WAPL: variants seen among roughly 807,000 people sequenced by gnomAD.
The protein encoded by WAPL is wings apart-like protein homolog.
In WAPL, 5 loss-of-function variants were observed where a neutral mutation model predicts 121.0. The observed-to-expected ratio is 0.04, with a 90% CI of 0.02 to 0.09. The LOEUF is 0.09. Among genes scored for constraint, WAPL ranks in the 10% least tolerant of loss-of-function variants. The pLI is 1.00. For missense variants in WAPL, 999 were observed against 1,410.8 expected (o/e 0.71, Z 4.68); for synonymous variants, 480 against 481.5 (o/e 1.00, Z 0.04).
chr10:86,479,716 C>T (rs960239911), intron 4 of WAPL, among the ~76,000 whole-genome samples: 4 of 152,212 alleles, frequency 2.6e-5, no homozygotes, highest in African/African-American at 7.2e-5. Context: ...TTCAATCAAT[C>T]AGCACGAAGT....
At chr10:86,471,786 C>T (rs1327581826) in intron 7 of WAPL, among the ~76,000 whole-genome samples, 1 of 152,010 alleles carries the variant, frequency 6.6e-6, no homozygotes, top group Non-Finnish European at 1.5e-5. Context: ...CAGGCATATG[C>T]CACCATGACT....
chr10:86,511,229 A>AT (rs1252907212), intron 2 of WAPL, among the ~76,000 whole-genome samples: 2 of 152,174 alleles, frequency 1.3e-5, no homozygotes, highest in Non-Finnish European at 2.9e-5. Context: ...GGAGCACTGC[A>AT]TGAGCCCAGG....
At chr10:86,463,067 C>A (rs570077161) in intron 9 of WAPL, among the ~76,000 whole-genome samples, 2 of 152,310 alleles carry the variant, frequency 1.3e-5, no homozygotes, top group Admixed American at 6.5e-5. Context: ...GCCTACTAAT[C>A]AAGCATTTTA....
intron 7 of WAPL, 105 bp from the exon 8 acceptor site, chr10:86,471,208 A>AGACC: frequency 1.3e-6 from 1 of 795,980 alleles, no homozygotes. Context: ...TAAAAGGGTC[A>AGACC]AAGCATTGCC....
In WAPL at chr10:86,518,025, A is replaced by C. The variant is rs1440425285; in HGVS notation, c.45T>G (p.Asn15Lys). The change falls in exon 2 of 19, where the codon AAT (asparagine) becomes AAG (lysine). Residue 15 changes from asparagine (N) to lysine (K), a missense_variant. By Grantham distance (94) the Asn-to-Lys change is moderately conservative. Coordinates refer to ENST00000298767, the MANE Select transcript of WAPL (RefSeq NM_015045.5). Reference protein sequence around the residue: ...FGKTYSRKGGNGSSKFDEVFS... With the variant: ...FGKTYSRKGGKGSSKFDEVFS... ...AGACTTCATCGAATTTTGAACTGCCATTTCCACCTTTCCTACTGTATGTTT... is the reference window on the plus strand; with the variant it reads ...AGACTTCATCGAATTTTGAACTGCCCTTTCCACCTTTCCTACTGTATGTTT... 6.2e-7 allele frequency: 1 copy of C among 1,614,156 alleles called. No individual in the cohort carries two copies. The highest frequency in any genetic ancestry group is 1.3e-5 in the African/African-American group (1 of 75,050).
chr10:86,450,531 C>T (rs1032804717), intron 15 of WAPL, among the ~76,000 whole-genome samples: 2 of 152,124 alleles, frequency 1.3e-5, no homozygotes, highest in South Asian at 2.1e-4. Flanking sequence ...CTACCTTGCC[C>T]GGCCAAGAAA....
intron 4 of WAPL, among the ~76,000 whole-genome samples, chr10:86,496,055 A>T (rs1403250467): frequency 6.6e-6 from 1 of 152,258 alleles, no homozygotes; most frequent in Non-Finnish European, 1.5e-5. Context: ...CGGAGGTTGC[A>T]GTGAGCCAAG....
At chr10:86,470,037 CT>C (rs905682620) in intron 8 of WAPL, among the ~76,000 whole-genome samples, 258 of 144,962 alleles carry the variant, frequency 1.8e-3, no homozygotes, top group Admixed American at 1.8e-3. Flanking sequence ...AAACTAACTT[CT>C]TTTTTTTTTT....
chr10:86,519,133 C>CAAAAA lies in WAPL; in HGVS notation c.-22-1047_-22-1043dup, dbSNP rs141958872. Among the ~76,000 whole-genome samples, 5 of 146,332 alleles carry CAAAAA rather than the reference C, an allele frequency of 3.4e-5. No individual in the cohort carries two copies. The East Asian group carries it at 9.8e-4, about 29-fold the overall frequency. On this transcript the variant is annotated intron_variant, in intron 1 of 18. Coordinates refer to ENST00000298767, the MANE Select transcript of WAPL (RefSeq NM_015045.5). ...CACCTGATTTATCTACTTCACAGGA[C>CAAAAA]AAAAAAAAAAATCTTTAGGGCAGTA... is the stretch of plus-strand genomic sequence containing the variant.
chr10:86,475,746 AC>A (rs1327224159), intron 4 of WAPL, among the ~76,000 whole-genome samples: 1 of 152,218 alleles, frequency 6.6e-6, no homozygotes, highest in Non-Finnish European at 1.5e-5. Flanking sequence ...CAGCTATGTA[AC>A]TTGTGTGTCT....
chr10:86,473,368 T>C (rs1841577660), intron 5 of WAPL, among the ~76,000 whole-genome samples: 1 of 152,178 alleles, frequency 6.6e-6, no homozygotes, highest in African/African-American at 2.4e-5. Flanking sequence ...GAAGCTTTAC[T>C]GTTAACCTAG....
chr10:86,469,740 A>G (rs1337723795), intron 8 of WAPL, among the ~76,000 whole-genome samples: 2 of 152,248 alleles, frequency 1.3e-5, no homozygotes, highest in Non-Finnish European at 2.9e-5. Context: ...GTAGAGAAGC[A>G]TCAGACCAGG....
chr10:86,498,401 T>G (rs1448314398), intron 3 of WAPL, among the ~76,000 whole-genome samples: 1 of 150,916 alleles, frequency 6.6e-6, no homozygotes, highest in African/African-American at 2.4e-5. Context: ...TTCTTTTTTC[T>G]TTTTTTTCGG....
At chr10:86,478,432 CA>C (rs967274281) in intron 4 of WAPL, among the ~76,000 whole-genome samples, 2 of 147,050 alleles carry the variant, frequency 1.4e-5, no homozygotes, top group African/African-American at 5.0e-5. Context: ...ATCCTGTCTC[CA>C]AAAAAAAAGG....
At chr10:86,445,181 G>C (rs1474716195) in intron 16 of WAPL, among the ~76,000 whole-genome samples, 1 of 152,152 alleles carries the variant, frequency 6.6e-6, no homozygotes, top group Non-Finnish European at 1.5e-5. Context: ...TGCAGTATTT[G>C]CATATAAGTC....
At chr10:86,508,927 T>C (rs1180228831) in intron 2 of WAPL, among the ~76,000 whole-genome samples, 1 of 151,656 alleles carries the variant, frequency 6.6e-6, no homozygotes, top group East Asian at 1.9e-4. Flanking sequence ...GGCTAATTTT[T>C]TGTATTTTTA....
chr10:86,476,791 A>G (rs1223482389), intron 4 of WAPL, among the ~76,000 whole-genome samples: 1 of 152,230 alleles, frequency 6.6e-6, no homozygotes, highest in African/African-American at 2.4e-5. Context: ...GTAAGAAAAC[A>G]GAAATATATA....
chr10:86,488,122 G>C (rs1841966311), intron 4 of WAPL, among the ~76,000 whole-genome samples: 2 of 152,148 alleles, frequency 1.3e-5, no homozygotes, highest in South Asian at 4.1e-4. Flanking sequence ...TTAAAATATG[G>C]AAAATGAGAA....
intron 12 of WAPL, among the ~76,000 whole-genome samples, chr10:86,455,910 C>T (rs1289837140): frequency 3.9e-5 from 6 of 152,004 alleles, no homozygotes; most frequent in Non-Finnish European, 7.4e-5. Context: ...CAAACAGAAA[C>T]ATGTTTTCTA....
Sources: allele counts gnomAD v4.1 joint callset (sites outside exome capture counted in the v4.1 genomes callset), GRCh38; gene constraint gnomAD v4.1.1; transcripts MANE v1.5; gene names NCBI Gene and HGNC (gene_info 2026-07-23, HGNC 2026-07-21).